TEKT3: variants seen among roughly 807,000 people sequenced by gnomAD.
TEKT3 encodes tektin-3.
In TEKT3, 49 loss-of-function variants were observed where a neutral mutation model predicts 49.8. The ratio of observed to expected loss-of-function variants is 0.98; its 90% CI spans 0.78 to 1.25. TEKT3 has a LOEUF of 1.25. Among genes scored for constraint, TEKT3 ranks in the 50% most tolerant of loss-of-function variants. The pLI, the probability that TEKT3 is intolerant of heterozygous loss-of-function variation, is 0.00. For missense variants in TEKT3, 595 were observed against 629.5 expected, an observed-to-expected ratio of 0.95 and a Z score of 0.59; for synonymous variants, 225 against 237.2, an observed-to-expected ratio of 0.95 and a Z score of 0.47.
chr17:15,311,052 T>C (rs1910752179), intron 7 of TEKT3: 2 of 152,228 alleles, frequency 1.3e-5, no homozygotes, highest in African/African-American at 2.4e-5. Flanking sequence ...TGTTATTTGA[T>C]AATCATGATT....
intron 6 of TEKT3, among the ~76,000 whole-genome samples, chr17:15,313,448 T>G (rs1910853528): frequency 6.6e-6 from 1 of 152,174 alleles, no homozygotes; most frequent in Non-Finnish European, 1.5e-5. Flanking sequence ...GTTTTCAGCC[T>G]GTATCCCACA....
Position 15,331,105 on chromosome 17 carries a change from T to C in TEKT3, c.481A>G (p.Ile161Val). The C allele has an allele frequency of 1.9e-6, 3 of 1,614,238 alleles. No individual in the cohort carries two copies. The highest frequency in any genetic ancestry group is 2.5e-6 in the Non-Finnish European group (3 of 1,180,044). The change falls in exon 3 of 9, where the codon ATT becomes GTT. Residue 161 changes from isoleucine to valine, a missense_variant. Transcript: ENST00000395930. ...NDIGFWKSEI[I>V]HELDEMIGET... Reference sequence around the variant, plus strand: ...CCAATCATTTCATCCAACTCATGAATGATTTCAGATTTCCAAAACCCTATG... The same window carrying C: ...CCAATCATTTCATCCAACTCATGAACGATTTCAGATTTCCAAAACCCTATG...
intron 4 of TEKT3, among the ~76,000 whole-genome samples, chr17:15,325,931 C>A (rs1161038700): frequency 6.6e-6 from 1 of 152,154 alleles, no homozygotes; most frequent in Non-Finnish European, 1.5e-5. Flanking sequence ...CTATTTCATT[C>A]AGAATGTTCT....
chr17:15,322,814 G>A (rs1911322245), intron 4 of TEKT3, among the ~76,000 whole-genome samples: 1 of 152,184 alleles, frequency 6.6e-6, no homozygotes, highest in South Asian at 2.1e-4. Context: ...CCACCTATAG[G>A]TGCAGATATT....
Position 15,322,326 on chromosome 17 carries a change from A to G in TEKT3, c.664-3179T>C, listed in dbSNP as rs433068. Among the ~76,000 whole-genome samples the G allele has an allele frequency of 6.5e-3, 990 of 152,278 alleles. 10 individuals carry two copies. The highest frequency in any genetic ancestry group is 0.022 in the African/African-American group (915 of 41,542). On this transcript the variant is annotated intron_variant, in intron 4 of 8. Transcript: ENST00000395930. ...TTGCTAAACCTGACCAGAGGCAAGT[A>G]ATAAACTAATGGTAATAATACCCAT...
intron 7 of TEKT3, among the ~76,000 whole-genome samples, chr17:15,310,512 G>C (rs1273253251): frequency 3.9e-5 from 6 of 152,174 alleles, no homozygotes; most frequent in Non-Finnish European, 5.9e-5. Context: ...GACACACACA[G>C]AGGGAAAATG....
chr17:15,312,398 A>C lies in TEKT3; in HGVS notation c.962T>G (p.Leu321Arg). ...SQSERAASAK[L>R]RDDIENLLVV... ...CAAGAGGTTTTCAATGTCGTCTCTT[A>C]GCTTAGCGGAAGCTGCCCGTTCACT... The change falls in exon 7 of 9, where the codon CTA becomes CGA. Residue 321 changes from leucine (L) to arginine (R), a missense_variant. Leu to Arg is a moderately radical substitution (Grantham distance 102). Transcript: ENST00000395930. The C allele has an allele frequency of 6.2e-7, 1 of 1,614,232 alleles. No individual in the cohort carries two copies. The highest frequency in any genetic ancestry group is 2.2e-5 in the East Asian group (1 of 44,888).
intron 4 of TEKT3, among the ~76,000 whole-genome samples, chr17:15,321,451 T>C (rs925503189): frequency 2.0e-5 from 3 of 149,458 alleles, no homozygotes; most frequent in Admixed American, 6.7e-5. Flanking sequence ...TCCTTCCATC[T>C]GTACCCATAC....
intron 8 of TEKT3, 27 bp downstream of exon 8, chr17:15,308,637 G>T (rs371863601): frequency 8.2e-6 from 13 of 1,593,696 alleles, no homozygotes; most frequent in African/African-American, 1.3e-5. Context: ...CTCCGAGCGA[G>T]CCCCGAGCCT....
chr17:15,310,095 C>A (rs73977997), intron 7 of TEKT3, among the ~76,000 whole-genome samples: 2,360 of 152,304 alleles, frequency 0.015, 69 homozygotes, highest in African/African-American at 0.053. Flanking sequence ...ATCACTAAGG[C>A]CTTCTTCAGA....
At chr17:15,312,235 G>A (rs1910800800) in intron 7 of TEKT3, 24 bp downstream of exon 7, 1 of 1,610,330 alleles carries the variant, frequency 6.2e-7, no homozygotes. Context: ...GTCAGCTAAG[G>A]GGTACCACTG....
Position 15,312,353 on chromosome 17 carries a change from A to T in TEKT3, c.1007T>A (p.Met336Lys). The change falls in exon 7 of 9, where the codon ATG becomes AAG. Residue 336 changes from methionine to lysine, a missense_variant. Coordinates refer to ENST00000395930, the MANE Select transcript of TEKT3 (RefSeq NM_031898.3). ...GTTCACTTTGTTGAATTGATTCCAC[A>T]TCTCATTGGCAGTCACAACCAAGAG... ...ENLLVVTANE[M>K]WNQFNKVNLS... The T allele has an allele frequency of 6.2e-7, 1 of 1,614,242 alleles. No homozygotes were observed. The highest frequency in any genetic ancestry group is 8.5e-7 in the Non-Finnish European group (1 of 1,180,040).
At chr17:15,326,668 T>C (rs1399688801) in intron 4 of TEKT3, among the ~76,000 whole-genome samples, 2 of 152,148 alleles carry the variant, frequency 1.3e-5, no homozygotes, top group Non-Finnish European at 2.9e-5. Context: ...TTTATGAATG[T>C]GAACCAGAAG....
chr17:15,316,869 C>A (rs34932547), intron 5 of TEKT3, among the ~76,000 whole-genome samples: 5,176 of 152,268 alleles, frequency 0.034, 149 homozygotes, highest in Non-Finnish European at 0.051. Flanking sequence ...GCTGCCTGGA[C>A]ACCCTCTGAT....
intron 2 of TEKT3, among the ~76,000 whole-genome samples, chr17:15,333,465 GC>G (rs1240032529): frequency 6.6e-6 from 1 of 151,908 alleles, no homozygotes; most frequent in Non-Finnish European, 1.5e-5. Context: ...CCTTCCTACG[GC>G]CCCCAAACGT....
At chr17:15,305,017 GC>G (rs1910485311) in intron 8 of TEKT3, among the ~76,000 whole-genome samples, 2 of 152,174 alleles carry the variant, frequency 1.3e-5, no homozygotes, top group South Asian at 4.1e-4. Flanking sequence ...TACATCCACA[GC>G]CGCTCCTGCA....
chr17:15,336,212 T>G (rs951254265), intron 2 of TEKT3, among the ~76,000 whole-genome samples: 11 of 151,678 alleles, frequency 7.3e-5, no homozygotes, highest in Middle Eastern at 3.4e-3. Flanking sequence ...GAGAGAAAAT[T>G]TGAAAATCAG....
At chr17:15,308,873 C>A in intron 7 of TEKT3, 55 bp from the exon 8 acceptor site, 2 of 1,587,818 alleles carry the variant, frequency 1.3e-6, no homozygotes, top group Admixed American at 1.7e-5. Flanking sequence ...TTCAACAACC[C>A]GCCTCCCACC....
In TEKT3 at chr17:15,331,004, T is replaced by TA. The variant is rs1163935971; in HGVS notation, c.579+2dup. 1.2e-6 allele frequency: 2 copies of TA among 1,604,278 alleles called. No homozygotes were observed. Among genetic ancestry groups the TA allele is most frequent in the Non-Finnish European group, 8.5e-7 (1 of 1,175,280 alleles). ...TTCAGTGTGTTCTATCATAAGGTCT[T>TA]ACCTGAAGAGGGGCTTCAGTCTCCA... On this transcript the variant is annotated splice_region_variant and intron_variant, in intron 3 of 8. Transcript: ENST00000395930.
Sources: allele counts gnomAD v4.1 joint callset (sites outside exome capture counted in the v4.1 genomes callset), GRCh38; gene constraint gnomAD v4.1.1; transcripts MANE v1.5; gene names NCBI Gene and HGNC (gene_info 2026-07-23, HGNC 2026-07-21).